The following PPP3CA variants were observed in gnomAD, a reference collection of about 807,000 sequenced individuals.
PPP3CA encodes the protein protein phosphatase 3 catalytic subunit alpha.
In PPP3CA, 14 loss-of-function variants were observed where a neutral mutation model predicts 66.5. That is an observed-to-expected ratio of 0.21 (90% confidence interval 0.14 to 0.33). The LOEUF is 0.33. Ranked by LOEUF, PPP3CA falls within the 10% of genes least tolerant of loss-of-function variation. The probability of loss-of-function intolerance (pLI) is 1.00; values close to 1 mark genes in which losing one functional copy is unlikely to be tolerated. For missense variants in PPP3CA, 317 were observed against 639.5 expected (o/e 0.50, Z 5.44); for synonymous variants, 232 against 226.2 (o/e 1.03, Z -0.23).
chr4:101,034,651 T>C (rs950588073), intron 11 of PPP3CA, among the ~76,000 whole-genome samples: 1 of 152,168 alleles, frequency 6.6e-6, no homozygotes, highest in Admixed American at 6.5e-5. Flanking sequence ...AAAAGTTGAA[T>C]GGAGAATGGA....
chr4:101,323,981 C>T (rs1694958253), intron 1 of PPP3CA, among the ~76,000 whole-genome samples: 1 of 152,066 alleles, frequency 6.6e-6, no homozygotes, highest in East Asian at 1.9e-4. Flanking sequence ...GGAGTGGTGG[C>T]ACACACTTGT....
At chr4:101,065,174 T>TA (rs145631126) in intron 8 of PPP3CA, among the ~76,000 whole-genome samples, 2 of 151,822 alleles carry the variant, frequency 1.3e-5, no homozygotes, top group African/African-American at 2.4e-5. Flanking sequence ...ACATGCAAAA[T>TA]AAAAAAATCA....
At chr4:101,214,351 A>C (rs1010001909) in intron 1 of PPP3CA, among the ~76,000 whole-genome samples, 1 of 152,074 alleles carries the variant, frequency 6.6e-6, no homozygotes, top group Non-Finnish European at 1.5e-5. Flanking sequence ...AATAATAATA[A>C]TAATAATATA....
intron 3 of PPP3CA, among the ~76,000 whole-genome samples, chr4:101,104,338 G>A (rs980216956): frequency 1.3e-5 from 2 of 152,148 alleles, no homozygotes; most frequent in Admixed American, 1.3e-4. Flanking sequence ...TACTCACAGA[G>A]AACATTTTAT....
At chr4:101,177,772 A>G (rs1394127364) in intron 2 of PPP3CA, among the ~76,000 whole-genome samples, 1 of 152,080 alleles carries the variant, frequency 6.6e-6, no homozygotes, top group African/African-American at 2.4e-5. Flanking sequence ...TGAAGTAAGT[A>G]CTGAATACAT....
At position 101,042,641 on chromosome 4, in the gene PPP3CA, C is replaced by A. The variant is rs1349001970; in HGVS notation, c.1157-2075G>T. On this transcript the variant is annotated intron_variant, in intron 10 of 13. Transcript: ENST00000394854. ...GAGGAAAATAGGGTGTGTGCAGGAT[C>A]CCTACCTCTAATCGTATTCTGATTT... Among the ~76,000 whole-genome samples, 3 of 151,946 alleles carry A rather than the reference C, an allele frequency of 2.0e-5. No homozygotes were observed. The East Asian group carries it at 5.8e-4, about 29-fold the overall frequency.
intron 2 of PPP3CA, among the ~76,000 whole-genome samples, chr4:101,162,024 G>A (rs552033297): frequency 1.3e-5 from 2 of 152,158 alleles, no homozygotes; most frequent in Non-Finnish European, 2.9e-5. Context: ...CGGATCACCT[G>A]AGGTCAGGAG....
rs1348844049 is a variant in PPP3CA at position 101,326,248 on chromosome 4, T to C, written c.58+20491A>G. Among the ~76,000 whole-genome samples the C allele has an allele frequency of 4.6e-5, 7 of 152,334 alleles. No homozygotes were observed. In the South Asian group the frequency reaches 1.0e-3, roughly 23 times the overall value. ...TAACTCCTACATATATCTGACATTT[T>C]TTCAAAATAATTTTTAAATGTTCTG... is the stretch of plus-strand genomic sequence containing the variant. On this transcript the variant is annotated intron_variant, in intron 1 of 13. Coordinates refer to ENST00000394854, the MANE Select transcript of PPP3CA (RefSeq NM_000944.5).
chr4:101,028,677 T>C (rs770198867), intron 13 of PPP3CA, among the ~76,000 whole-genome samples: 36 of 152,222 alleles, frequency 2.4e-4, no homozygotes, highest in Non-Finnish European at 4.3e-4. Context: ...TGTTGGAATA[T>C]TTTTTAGAGA....
intron 1 of PPP3CA, among the ~76,000 whole-genome samples, chr4:101,225,688 A>T (rs1725760073): frequency 6.6e-6 from 1 of 151,660 alleles, no homozygotes; most frequent in Non-Finnish European, 1.5e-5. Flanking sequence ...AAATAGAAAA[A>T]GTAAAGGTGT....
chr4:101,338,562 C>T (rs746884098), intron 1 of PPP3CA, among the ~76,000 whole-genome samples: 1 of 152,208 alleles, frequency 6.6e-6, no homozygotes, highest in Non-Finnish European at 1.5e-5. Flanking sequence ...GACTTTCCAC[C>T]TCCTGGGGAG....
intron 2 of PPP3CA, among the ~76,000 whole-genome samples, chr4:101,187,329 A>C (rs1724444201): frequency 2.0e-5 from 3 of 152,228 alleles, no homozygotes; most frequent in Admixed American, 2.0e-4. Context: ...GAGGAGGAAA[A>C]AAGTCTGTAA....
chr4:101,026,839 A>C (rs1461206007), intron 13 of PPP3CA, among the ~76,000 whole-genome samples: 1 of 152,238 alleles, frequency 6.6e-6, no homozygotes, highest in Non-Finnish European at 1.5e-5. Flanking sequence ...GCCTAAATGA[A>C]AGAAAAACTC....
At chr4:101,127,187 C>A (rs1309992719) in intron 2 of PPP3CA, among the ~76,000 whole-genome samples, 1 of 151,864 alleles carries the variant, frequency 6.6e-6, no homozygotes, top group Non-Finnish European at 1.5e-5. Context: ...CACCTCACCC[C>A]CAACTCCATT....
chr4:101,214,965 G>A (rs1460343283), intron 1 of PPP3CA, among the ~76,000 whole-genome samples: 3 of 151,952 alleles, frequency 2.0e-5, no homozygotes, highest in African/African-American at 4.8e-5. Context: ...AAGAATGTTA[G>A]GGAAACACTA....
intron 2 of PPP3CA, among the ~76,000 whole-genome samples, 183 bp from the exon 3 acceptor site, chr4:101,109,261 T>C (rs1334760434): frequency 7.0e-6 from 1 of 142,864 alleles, no homozygotes; most frequent in Admixed American, 7.4e-5. Context: ...ATTTAATTAG[T>C]GGCAAACTTG....
chr4:101,081,638 C>T (rs1407748583), intron 7 of PPP3CA, among the ~76,000 whole-genome samples: 2 of 152,004 alleles, frequency 1.3e-5, no homozygotes, highest in Non-Finnish European at 2.9e-5. Context: ...TAGACTGAAC[C>T]GTGCCTAATA....
rs539207935 is a variant in PPP3CA at position 101,071,040 on chromosome 4, C to T, written c.956-7683G>A. Among the ~76,000 whole-genome samples, 4 of 152,078 alleles carry T rather than the reference C, an allele frequency of 2.6e-5. No individual in the cohort carries two copies. The East Asian group carries it at 7.7e-4, about 29-fold the overall frequency. The stretch of plus-strand genomic sequence containing the variant: ...GGCTTACACAAATCTAGACTAAAAA[C>T]AGAGAGAGAGAGTCTTAGCTGAAGC... On this transcript the variant is annotated intron_variant, in intron 8 of 13. Coordinates refer to ENST00000394854, the MANE Select transcript of PPP3CA (RefSeq NM_000944.5).
chr4:101,131,388 G>C (rs1371999477), intron 2 of PPP3CA, among the ~76,000 whole-genome samples: 1 of 148,752 alleles, frequency 6.7e-6, no homozygotes, highest in East Asian at 2.0e-4. Context: ...TCAAATCAAA[G>C]GAATGGAGGA....
Sources: allele counts gnomAD v4.1 joint callset (sites outside exome capture counted in the v4.1 genomes callset), GRCh38; gene constraint gnomAD v4.1.1; transcripts MANE v1.5; gene names NCBI Gene and HGNC (gene_info 2026-07-23, HGNC 2026-07-21).